Variants in CYRIB observed in about 807,000 individuals in gnomAD.
The protein encoded by CYRIB is CYFIP-related Rac1 interactor B.
In CYRIB, 8 loss-of-function variants were observed where a neutral mutation model predicts 44.2. That is an observed-to-expected ratio of 0.18 (90% CI 0.11 to 0.33). The LOEUF is 0.33. Among genes scored for constraint, CYRIB ranks in the 10% least tolerant of loss-of-function variants. The pLI, the probability that CYRIB is intolerant of heterozygous loss-of-function variation, is 1.00. For synonymous variants in CYRIB, 131 were observed against 127.2 expected, an observed-to-expected ratio of 1.03 and a Z score of -0.20; for missense variants, 185 against 382.8, an observed-to-expected ratio of 0.48 and a Z score of 4.31.
intron 1 of CYRIB, among the ~76,000 whole-genome samples, chr8:129,934,542 T>G (rs2138704463): frequency 6.6e-6 from 1 of 152,174 alleles, no homozygotes; most frequent in Non-Finnish European, 1.5e-5. Flanking sequence ...CAGTACTGAG[T>G]GGTTAAATTA....
At chr8:129,867,396 A>G (rs2054293368) in intron 4 of CYRIB, among the ~76,000 whole-genome samples, 1 of 66 alleles carries the variant, frequency 0.015, no homozygotes, top group South Asian at 0.25. Context: ...AAGTGCTAGG[A>G]TTACAGGGTG....
intron 4 of CYRIB, among the ~76,000 whole-genome samples, chr8:129,864,260 T>A (rs1193215675): frequency 6.6e-6 from 1 of 152,264 alleles, no homozygotes; most frequent in Admixed American, 6.5e-5. Context: ...AAATCTGACA[T>A]TACAACATGT....
chr8:129,841,691 A>G (rs1408344526), exon 12 of CYRIB: 1 of 154,706 alleles, frequency 6.5e-6, no homozygotes, highest in African/African-American at 2.4e-5. Flanking sequence ...TACCATTTGT[A>G]CAACACAGTT....
At chr8:129,922,842 G>A (rs1334475015) in intron 1 of CYRIB, among the ~76,000 whole-genome samples, 1 of 147,948 alleles carries the variant, frequency 6.8e-6, no homozygotes, top group Non-Finnish European at 1.5e-5. Context: ...CAGCCTGGGC[G>A]ACAGAGTGAG....
Position 129,895,890 on chromosome 8 carries a change from A to AAT in CYRIB, c.-11+7420_-11+7421dup, listed in dbSNP as rs555587419. 2.4e-4 allele frequency among the ~76,000 whole-genome samples: 37 copies of AAT among 152,300 alleles called. No individual in the cohort carries two copies. In the East Asian group the frequency reaches 6.5e-3, roughly 27 times the overall value. ...CACCTGGTTTATTTGATCATTTAAA[A>AAT]ATATATATTCCTAGATTTGGTTTTG... is the stretch of plus-strand genomic sequence containing the variant. On this transcript the variant is annotated intron_variant, in intron 2 of 11. Coordinates refer to ENST00000519824, the Ensembl canonical transcript of CYRIB.
chr8:129,959,351 C>A (rs1444094231), intron 2 of CYRIB, among the ~76,000 whole-genome samples: 2 of 152,114 alleles, frequency 1.3e-5, no homozygotes, highest in African/African-American at 4.8e-5. Flanking sequence ...CTTGTTTCCT[C>A]ATCTGCAAAC....
At chr8:129,875,730 T>C (rs980294661) in intron 3 of CYRIB, among the ~76,000 whole-genome samples, 3 of 152,254 alleles carry the variant, frequency 2.0e-5, no homozygotes, top group Non-Finnish European at 4.4e-5. Context: ...CTGTCCATGT[T>C]GTTCCTTCTT....
chr8:129,870,459 C>G (rs1372237879), intron 4 of CYRIB, among the ~76,000 whole-genome samples: 1 of 152,220 alleles, frequency 6.6e-6, no homozygotes, highest in Non-Finnish European at 1.5e-5. Flanking sequence ...TTCCCTTGCC[C>G]TAAACATTTG....
At chr8:129,950,356 G>A (rs886711233) in intron 2 of CYRIB, among the ~76,000 whole-genome samples, 2 of 152,152 alleles carry the variant, frequency 1.3e-5, no homozygotes, top group African/African-American at 2.4e-5. Flanking sequence ...GATCACCTGA[G>A]GTCAGGAGTT....
intron 1 of CYRIB, among the ~76,000 whole-genome samples, chr8:129,911,418 T>C (rs2077952120): frequency 6.6e-6 from 1 of 152,214 alleles, no homozygotes; most frequent in Non-Finnish European, 1.5e-5. Flanking sequence ...TTTATTATAA[T>C]ATTCCTTTCT....
At chr8:129,959,555 G>A (rs777960464) in intron 2 of CYRIB, among the ~76,000 whole-genome samples, 4 of 152,022 alleles carry the variant, frequency 2.6e-5, no homozygotes, top group Non-Finnish European at 5.9e-5. Context: ...TGAGAGGATG[G>A]CTTGAACCCA....
intron 1 of CYRIB, among the ~76,000 whole-genome samples, chr8:129,924,153 T>C (rs1399561140): frequency 6.7e-6 from 1 of 149,300 alleles, no homozygotes; most frequent in African/African-American, 2.5e-5. Flanking sequence ...TGTACATGTC[T>C]GCTGTCCCAG....
intron 1 of CYRIB, among the ~76,000 whole-genome samples, chr8:129,911,149 C>A (rs2077787014): frequency 6.6e-6 from 1 of 152,206 alleles, no homozygotes; most frequent in Admixed American, 6.5e-5. Flanking sequence ...TTGTCCCTTT[C>A]TACTCAGCTG....
chr8:129,997,982 G>A (rs1051675360), intron 1 of CYRIB, among the ~76,000 whole-genome samples: 12 of 151,918 alleles, frequency 7.9e-5, no homozygotes, highest in African/African-American at 2.4e-4. Context: ...TTAGCTGGGC[G>A]TGATAGTGCA....
chr8:129,918,745 A>C (rs927612388), intron 1 of CYRIB, among the ~76,000 whole-genome samples: 1 of 152,206 alleles, frequency 6.6e-6, no homozygotes, highest in African/African-American at 2.4e-5. Context: ...CACAGTCTCC[A>C]AAGTATAGAT....
At position 129,996,110 on chromosome 8, in the gene CYRIB, C is replaced by T. The variant is rs554407842; in HGVS notation, c.-296+20260G>A. Among the ~76,000 whole-genome samples the T allele has an allele frequency of 4.2e-3, 644 of 152,326 alleles. 3 individuals carry two copies. Among genetic ancestry groups the T allele is most frequent in the African/African-American group, 0.015 (620 of 41,572 alleles). ...CACTCCAGTTTGTAAGACACTTTTACAGGCATCCACTCCTTCATTCATTCA... is the reference window on the plus strand; with the variant it reads ...CACTCCAGTTTGTAAGACACTTTTATAGGCATCCACTCCTTCATTCATTCA... On this transcript the variant is annotated intron_variant, in intron 1 of 14. Transcript: ENST00000401979.
At chr8:129,953,640 C>G (rs779125336) in intron 2 of CYRIB, among the ~76,000 whole-genome samples, 1 of 152,176 alleles carries the variant, frequency 6.6e-6, no homozygotes, top group Non-Finnish European at 1.5e-5. Context: ...GAGCACGGAG[C>G]CTGGCACAAG....
chr8:129,978,791 G>GTA (rs1315040551), intron 1 of CYRIB, among the ~76,000 whole-genome samples: 1 of 152,160 alleles, frequency 6.6e-6, no homozygotes, highest in African/African-American at 2.4e-5. Context: ...CTAAGTGCGT[G>GTA]TACACACACA....
intron 2 of CYRIB, chr8:129,879,877 T>G (rs1022467336): frequency 1.3e-5 from 2 of 157,360 alleles, no homozygotes; most frequent in African/African-American, 4.8e-5. Flanking sequence ...AAGCCAAATA[T>G]TAATACATTT....
Sources: gnomAD v4.1 joint callset for allele counts (sites outside exome capture counted in the v4.1 genomes callset) on GRCh38, gnomAD v4.1.1 for gene constraint, MANE v1.5 for transcripts, NCBI Gene and HGNC (gene_info 2026-07-23, HGNC 2026-07-21) for gene names.